The following MAS1 variants were observed in gnomAD, a reference collection of about 807,000 sequenced individuals.
The protein encoded by MAS1 is MAS1 proto-oncogene, G protein-coupled receptor, also known as proto-oncogene Mas.
For synonymous variants in MAS1, 163 were observed against 164.2 expected, an observed-to-expected ratio of 0.99 and a Z score of 0.05; for missense variants, 387 against 409.7, an observed-to-expected ratio of 0.94 and a Z score of 0.48.
intron 1 of MAS1, among the ~76,000 whole-genome samples, chr6:159,891,876 C>T (rs537572915): frequency 8.5e-5 from 13 of 152,250 alleles, no homozygotes; most frequent in East Asian, 1.9e-4. Context: ...CAGAGTGCCA[C>T]GGCCTCGGCA....
rs894396273 is a variant in MAS1 at position 159,908,102 on chromosome 6, G to A, written c.*169G>A. On this transcript the variant is annotated 3_prime_UTR_variant, in exon 3 of 3. Transcript: ENST00000674077. ...TTGAACTCTTGTACTGTATCTTCTG[G>A]AAATGACCTGTCATTTCTGTACTTG... 4.1e-5 allele frequency: 26 copies of A among 641,456 alleles called. No homozygotes were observed. Among genetic ancestry groups the A allele is most frequent in the Non-Finnish European group, 5.3e-5 (22 of 413,314 alleles). 39.7% of individuals were successfully genotyped at this position (641,456 alleles called of 1,614,324 possible). A position where few individuals can be genotyped will look rare whatever the true frequency, so the allele number is the denominator to read the frequency against.
Position 159,909,989 on chromosome 6 carries a change from C to A in MAS1, c.*2056C>A, listed in dbSNP as rs1405934137. On this transcript the variant is annotated 3_prime_UTR_variant, in exon 3 of 3. Coordinates refer to ENST00000674077, the MANE Select transcript of MAS1 (RefSeq NM_002377.4). ...AAGACTAATTTCTTTCTGTCTTCCC[C>A]CAAACCCATTCCCAAAGTGAACTGT... 6.6e-6 allele frequency: 1 copy of A among 152,108 alleles called. No individual in the cohort carries two copies. Among genetic ancestry groups the A allele is most frequent in the Non-Finnish European group, 1.5e-5 (1 of 68,018 alleles). 9.4% of individuals were successfully genotyped at this position (152,108 alleles called of 1,614,324 possible).
In MAS1 at chr6:159,907,922, A is replaced by G. The variant is rs779788839; in HGVS notation, c.967A>G (p.Thr323Ala). The G allele has an allele frequency of 6.3e-7, 1 of 1,595,932 alleles. No homozygotes were observed. Among genetic ancestry groups the G allele is most frequent in the Non-Finnish European group, 8.5e-7 (1 of 1,171,240 alleles). ...KDNCNTVTVE[T>A]VV ...CAATTGTAATACGGTCACAGTTGAG[A>G]CTGTCGTCTAAGAACTGTGAGGGAA... is the stretch of plus-strand genomic sequence containing the variant. Residue 323 changes from threonine (T) to alanine (A), a missense_variant, in exon 3 of 3, where the codon ACT becomes GCT. By Grantham distance (58) the Thr-to-Ala change is moderately conservative. Coordinates refer to ENST00000674077, the MANE Select transcript of MAS1 (RefSeq NM_002377.4).
chr6:159,893,446 G>A (rs1190952178), intron 1 of MAS1, among the ~76,000 whole-genome samples: 2 of 152,148 alleles, frequency 1.3e-5, no homozygotes, highest in Non-Finnish European at 2.9e-5. Flanking sequence ...AAGTGAGGAG[G>A]GCATCTGTGC....
At chr6:159,900,653 C>T (rs933482220) in intron 2 of MAS1, among the ~76,000 whole-genome samples, 1 of 152,158 alleles carries the variant, frequency 6.6e-6, no homozygotes, top group Non-Finnish European at 1.5e-5. Flanking sequence ...TCAAAGTCTG[C>T]CTGAGTACTG....
Position 159,908,049 on chromosome 6 carries a change from A to C in MAS1, c.*116A>C. On this transcript the variant is annotated 3_prime_UTR_variant, in exon 3 of 3. Coordinates refer to ENST00000674077, the MANE Select transcript of MAS1 (RefSeq NM_002377.4). ...GATACAGAAGAACATCTCATCCCATATGCATGAGATACTAATTAATGATGA... is the reference window on the plus strand; with the variant it reads ...GATACAGAAGAACATCTCATCCCATCTGCATGAGATACTAATTAATGATGA... 1 of 1,094,386 alleles carries C rather than the reference A, an allele frequency of 9.1e-7. No homozygotes were observed. Among genetic ancestry groups the C allele is most frequent in the Non-Finnish European group, 1.3e-6 (1 of 773,938 alleles). The allele number at this position is 1,094,386 out of a possible 1,614,324, so 67.8% of individuals were successfully genotyped here. A position where few individuals can be genotyped will look rare whatever the true frequency, so the allele number is the denominator to read the frequency against.
rs539947158 is a variant in MAS1, at chr6:159,912,260, A to C, written c.*4327A>C. 3.3e-5 allele frequency: 5 copies of C among 152,338 alleles called. No individual in the cohort carries two copies. In the South Asian group the frequency reaches 1.0e-3, roughly 32 times the overall value. 9.4% of individuals were successfully genotyped at this position (152,338 alleles called of 1,614,324 possible). On this transcript the variant is annotated 3_prime_UTR_variant, in exon 3 of 3. Coordinates refer to ENST00000674077, the MANE Select transcript of MAS1 (RefSeq NM_002377.4). ...GAGTTGTTTAAGGAGCACTTAGAAG[A>C]TGCTTTACGGGCATCCCTAGAATTT...
At position 159,911,307 on chromosome 6, in the gene MAS1, T is replaced by TTTTTC. The variant is rs1204086854; in HGVS notation, c.*3390_*3394dup. The TTTTTC allele has an allele frequency of 3.9e-5, 6 of 153,896 alleles. No individual in the cohort carries two copies. In the East Asian group the frequency reaches 5.7e-4, roughly 15 times the overall value. The allele number at this position is 153,896 out of a possible 1,614,324, so 9.5% of individuals were successfully genotyped here. A position where few individuals can be genotyped will look rare whatever the true frequency, so the allele number is the denominator to read the frequency against. ...ACCCATTCATTTCCCCACCGTTTCT[T>TTTTTC]TTTTCTTTTCTTTTCTTTTCCTTTT... On this transcript the variant is annotated 3_prime_UTR_variant, in exon 3 of 3. Coordinates refer to ENST00000674077, the MANE Select transcript of MAS1 (RefSeq NM_002377.4).
At chr6:159,889,555 G>A (rs538334206), upstream of MAS1, among the ~76,000 whole-genome samples, 1 of 152,122 alleles carries the variant, frequency 6.6e-6, no homozygotes, top group South Asian at 2.1e-4. Context: ...TCTTCCGTGG[G>A]TCTGATCCTT....
intron 2 of MAS1, 68 bp from the exon 3 acceptor site, chr6:159,906,852 T>C (rs757075171): frequency 1.8e-5 from 22 of 1,201,990 alleles, no homozygotes; most frequent in Non-Finnish European, 2.6e-5. Flanking sequence ...GCTGAATTTC[T>C]CCCTTTTATT....
At position 159,900,911 on chromosome 6, in the gene MAS1, T is replaced by C. The variant is rs142144990; in HGVS notation, c.-37+1519T>C. On this transcript the variant is annotated intron_variant, in intron 2 of 2. Transcript: ENST00000674077. ...CAAGGAGTTTGCTGTTTAGTGGGTGTATTAGGCTGCTCTGACTGCCATAAC... is the reference window on the plus strand; with the variant it reads ...CAAGGAGTTTGCTGTTTAGTGGGTGCATTAGGCTGCTCTGACTGCCATAAC... 9.6e-4 allele frequency among the ~76,000 whole-genome samples: 146 copies of C among 152,322 alleles called. 4 individuals are homozygous for C. In the East Asian group the frequency reaches 0.017, roughly 17 times the overall value.
intron 1 of MAS1, among the ~76,000 whole-genome samples, chr6:159,896,787 G>C (rs1782757964): frequency 6.6e-6 from 1 of 152,190 alleles, no homozygotes; most frequent in Admixed American, 6.5e-5. Flanking sequence ...AATTCATACA[G>C]AGCCAGCTAA....
At chr6:159,888,791 G>T (rs758972291), upstream of MAS1, among the ~76,000 whole-genome samples, 6 of 152,136 alleles carry the variant, frequency 3.9e-5, no homozygotes, top group Non-Finnish European at 7.3e-5. Flanking sequence ...ACCCGCTCTT[G>T]CTACACCTCC....
chr6:159,889,681 C>T (rs1340133888), upstream of MAS1, among the ~76,000 whole-genome samples: 1 of 152,220 alleles, frequency 6.6e-6, no homozygotes, highest in Non-Finnish European at 1.5e-5. Context: ...CTGAACTTCT[C>T]CTTCCTTGGA....
intron 2 of MAS1, among the ~76,000 whole-genome samples, chr6:159,902,954 G>T (rs1477561154): frequency 6.6e-6 from 1 of 152,086 alleles, no homozygotes; most frequent in Non-Finnish European, 1.5e-5. Flanking sequence ...TCCAGGTTCT[G>T]CTCTCAGCTC....
Position 159,910,590 on chromosome 6 carries a change from A to AGCCCCAGCTTATTTGC in MAS1, c.*2658_*2673dup, listed in dbSNP as rs1412751463. 1.3e-5 allele frequency: 2 copies of AGCCCCAGCTTATTTGC among 152,268 alleles called. No individual in the cohort carries two copies. The highest frequency in any genetic ancestry group is 4.8e-5 in the African/African-American group (2 of 41,444). 9.4% of individuals were successfully genotyped at this position (152,268 alleles called of 1,614,324 possible). On this transcript the variant is annotated 3_prime_UTR_variant, in exon 3 of 3. Transcript: ENST00000674077. ...GGGACGTAGCTTTGCTCACTGCTGT[A>AGCCCCAGCTTATTTGC]GCCCCAGCTTATTTGCTGTGTTGGT...
In MAS1 at chr6:159,908,998, C is replaced by CAA. The variant is rs1471799792; in HGVS notation, c.*1066_*1067insAA. ...GAGGCTTTTTTTTTTTTTTTCATCACACCTGGAAGGAGGCTCAGTGGCAAG... is the reference window on the plus strand; with the variant it reads ...GAGGCTTTTTTTTTTTTTTTCATCACAAACCTGGAAGGAGGCTCAGTGGCAAG... On this transcript the variant is annotated 3_prime_UTR_variant, in exon 3 of 3. Coordinates refer to ENST00000674077, the MANE Select transcript of MAS1 (RefSeq NM_002377.4). 6.7e-6 allele frequency: 1 copy of CAA among 149,526 alleles called. No homozygotes were observed. Among genetic ancestry groups the CAA allele is most frequent in the Non-Finnish European group, 1.5e-5 (1 of 67,622 alleles). The allele number at this position is 149,526 out of a possible 1,614,324, so 9.3% of individuals were successfully genotyped here.
intron 1 of MAS1, among the ~76,000 whole-genome samples, chr6:159,897,209 G>A (rs1484595780): frequency 6.6e-6 from 1 of 152,106 alleles, no homozygotes; most frequent in East Asian, 1.9e-4. Context: ...AATTTGGTGT[G>A]TAGGGCACCA....
At chr6:159,896,706 G>C in intron 1 of MAS1, among the ~76,000 whole-genome samples, 1 of 152,122 alleles carries the variant, frequency 6.6e-6, no homozygotes, top group East Asian at 1.9e-4. Flanking sequence ...CTGCCTAAAG[G>C]GTTCTCTTTG....
Sources: gnomAD v4.1 joint callset for allele counts (sites outside exome capture counted in the v4.1 genomes callset) on GRCh38, gnomAD v4.1.1 for gene constraint, MANE v1.5 for transcripts, NCBI Gene and HGNC (gene_info 2026-07-23, HGNC 2026-07-21) for gene names.